Variants in ACCSL observed in about 807,000 individuals in gnomAD.
ACCSL encodes the protein 1-aminocyclopropane-1-carboxylate synthase homolog (inactive) like.
Under a neutral mutation model 61.7 loss-of-function variants are expected in ACCSL, and 55 were observed. The ratio of observed to expected loss-of-function variants is 0.89; its 90% CI spans 0.72 to 1.12. ACCSL has a LOEUF of 1.12. ACCSL is among the 50% of genes most tolerant of loss of function. The probability of loss-of-function intolerance (pLI) is 0.00; values close to 1 mark genes in which losing one functional copy is unlikely to be tolerated. For synonymous variants in ACCSL, 258 were observed against 264.3 expected (o/e 0.98, Z 0.23); for missense variants, 632 against 698.0 (o/e 0.91, Z 1.07).
chr11:44,004,349 G>T, the ACCSL span, among the ~76,000 whole-genome samples: 2 of 151,962 alleles, frequency 1.3e-5, no homozygotes, highest in African/African-American at 4.8e-5. Flanking sequence ...CCCGCATACC[G>T]CCCTGGGGGA....
chr11:43,986,261 G>C, the ACCSL span, among the ~76,000 whole-genome samples: 1 of 151,948 alleles, frequency 6.6e-6, no homozygotes, highest in African/African-American at 2.4e-5. Flanking sequence ...CATTGCCAGC[G>C]CTTCCTAACC....
the ACCSL span, among the ~76,000 whole-genome samples, chr11:43,983,287 A>G: frequency 6.6e-6 from 1 of 152,260 alleles, no homozygotes; most frequent in East Asian, 1.9e-4. Context: ...GGAATTAATT[A>G]GAGAAAACAG....
chr11:43,952,951 C>T, the ACCSL span, among the ~76,000 whole-genome samples: 2 of 152,220 alleles, frequency 1.3e-5, no homozygotes, highest in African/African-American at 4.8e-5. Context: ...GCGAGGTCCT[C>T]ATCGTTGCTG....
chr11:43,943,636 C>G, the ACCSL span: 5 of 1,305,722 alleles, frequency 3.8e-6, no homozygotes, highest in South Asian at 1.2e-5. This position sits in a 1 kb window ranked among gnomAD's most constrained non-coding sequence, Gnocchi z 4.8. Context: ...TTTTGCACAC[C>G]GCTCCACCGT....
At chr11:44,004,925 A>G in the ACCSL span, among the ~76,000 whole-genome samples, 1 of 152,174 alleles carries the variant, frequency 6.6e-6, no homozygotes, top group Non-Finnish European at 1.5e-5. Context: ...ACTTCCTAGC[A>G]GGGAGAGGAT....
At chr11:44,013,539 C>T in the ACCSL span, among the ~76,000 whole-genome samples, 26 of 152,274 alleles carry the variant, frequency 1.7e-4, 1 homozygote, top group Admixed American at 1.3e-3. Flanking sequence ...GTGATCCACC[C>T]GCCTCGGCCT....
At chr11:44,047,884 C>A, upstream of ACCSL, 1 of 989,874 alleles carries the variant, frequency 1.0e-6, no homozygotes. Flanking sequence ...ATAACCAAGG[C>A]ATGGAAGTGA....
the ACCSL span, among the ~76,000 whole-genome samples, chr11:43,958,283 G>T: frequency 6.6e-6 from 1 of 152,146 alleles, no homozygotes; most frequent in African/African-American, 2.4e-5. Context: ...GTCTTTTCAG[G>T]TTTTTCATTT....
chr11:43,956,715 A>C, the ACCSL span, among the ~76,000 whole-genome samples: 2 of 152,182 alleles, frequency 1.3e-5, no homozygotes, highest in Non-Finnish European at 2.9e-5. Context: ...CACTGCACCC[A>C]GCCTACAATT....
chr11:44,021,495 T>C, the ACCSL span, among the ~76,000 whole-genome samples: 2 of 152,176 alleles, frequency 1.3e-5, no homozygotes, highest in Non-Finnish European at 2.9e-5. Flanking sequence ...TTTGTTTGAG[T>C]TCCTTGTAGC....
the ACCSL span, among the ~76,000 whole-genome samples, chr11:44,036,380 C>T: frequency 3.9e-5 from 6 of 152,228 alleles, no homozygotes; most frequent in African/African-American, 1.4e-4. Context: ...GATTGAGGAA[C>T]CTCGCTGGGC....
At chr11:43,936,394 C>A in the ACCSL span, among the ~76,000 whole-genome samples, 6 of 152,178 alleles carry the variant, frequency 3.9e-5, no homozygotes, top group African/African-American at 7.2e-5. Flanking sequence ...ATCATAAAAG[C>A]AAAAGGAACT....
the ACCSL span, chr11:43,932,988 G>A: frequency 2.2e-3 from 965 of 443,798 alleles, 3 homozygotes; most frequent in South Asian, 2.8e-3. Context: ...GCGCTTTGGA[G>A]GGCTGCGCTG....
At chr11:43,985,108 G>T in the ACCSL span, among the ~76,000 whole-genome samples, 1 of 152,198 alleles carries the variant, frequency 6.6e-6, no homozygotes, top group Admixed American at 6.5e-5. Context: ...AGGAGACCCA[G>T]GTTCCCTCCT....
At chr11:44,045,551 G>A (rs995779304), upstream of ACCSL, among the ~76,000 whole-genome samples, 5 of 152,126 alleles carry the variant, frequency 3.3e-5, no homozygotes, top group African/African-American at 1.2e-4. Flanking sequence ...CTGCCCTGGG[G>A]GGTTCTCATT....
At chr11:44,037,365 G>C in the ACCSL span, among the ~76,000 whole-genome samples, 9 of 152,304 alleles carry the variant, frequency 5.9e-5, no homozygotes, top group Middle Eastern at 3.4e-3. Context: ...AGCCACCAGC[G>C]GTTGCAGTGG....
the ACCSL span, among the ~76,000 whole-genome samples, chr11:43,940,102 C>G: frequency 1.3e-5 from 2 of 152,150 alleles, no homozygotes; most frequent in Non-Finnish European, 2.9e-5. Context: ...TTTCCCAGCT[C>G]CTCTCCACAC....
the ACCSL span, among the ~76,000 whole-genome samples, chr11:44,029,833 T>C: frequency 6.6e-6 from 1 of 151,764 alleles, no homozygotes; most frequent in African/African-American, 2.4e-5. Flanking sequence ...TAAAGAAGAA[T>C]GGAATCTAAG....
chr11:44,038,018 G>T, the ACCSL span, among the ~76,000 whole-genome samples: 76 of 152,236 alleles, frequency 5.0e-4, 1 homozygote, highest in South Asian at 0.014. Context: ...GAAGACCTCT[G>T]CCCTCATGGA....
Sources: gnomAD v4.1 joint callset for allele counts (sites outside exome capture counted in the v4.1 genomes callset) on GRCh38, gnomAD v4.1.1 for gene constraint, Gnocchi (gnomAD v3.1) non-coding constraint, MANE v1.5 for transcripts, NCBI Gene and HGNC (gene_info 2026-07-23, HGNC 2026-07-21) for gene names.